The following TEX9 variants were observed in gnomAD, a reference collection of about 807,000 sequenced individuals.
TEX9 encodes testis-expressed protein 9.
TEX9 carries 74 observed loss-of-function variants against 59.6 expected under a neutral mutation model. That is an observed-to-expected ratio of 1.24 (90% CI 1.03 to 1.51). The LOEUF (loss-of-function observed/expected upper bound fraction) is 1.51. Ranked by LOEUF, TEX9 falls within the 40% of genes most tolerant of loss-of-function variation. TEX9 has a pLI of 0.00. For missense variants in TEX9, 522 were observed against 447.8 expected, an observed-to-expected ratio of 1.17 and a Z score of -1.49; for synonymous variants, 186 against 152.2, an observed-to-expected ratio of 1.22 and a Z score of -1.64.
Position 56,296,008 on chromosome 15 carries a change from A to C in TEX9, c.-107+51730A>C, listed in dbSNP as rs1476763399. On this transcript the variant is annotated intron_variant, in intron 1 of 5. Coordinates refer to the TEX9 transcript ENST00000560827. ...TACCTCTGCCCACTGGAATGAGCCA[A>C]ATTTCAATGCGGTCTGAACTGGCGG... Among the ~76,000 whole-genome samples, 2 of 152,170 alleles carry C rather than the reference A, an allele frequency of 1.3e-5. 1 individual carries two copies. The highest frequency in any genetic ancestry group is 1.3e-4 in the Admixed American group (2 of 15,280).
At chr15:56,428,707 T>G (rs2050448907) in intron 12 of TEX9, 1 of 379,348 alleles carries the variant, frequency 2.6e-6, no homozygotes, top group Non-Finnish European at 4.7e-6. Flanking sequence ...TCCCTTACAG[T>G]AGACCAAAAA....
chr15:56,413,070 C>G (rs1219217070), intron 10 of TEX9, among the ~76,000 whole-genome samples: 1 of 151,794 alleles, frequency 6.6e-6, no homozygotes, highest in Non-Finnish European at 1.5e-5. Context: ...GTTCAAATAC[C>G]AATGTTCATG....
At chr15:56,372,332 C>G (rs1245962550) in intron 2 of TEX9, among the ~76,000 whole-genome samples, 1 of 150,486 alleles carries the variant, frequency 6.6e-6, no homozygotes, top group African/African-American at 2.4e-5. Context: ...TTTTTTTTCC[C>G]TGGGGGTGGA....
chr15:56,455,332 G>C, the TEX9 span, among the ~76,000 whole-genome samples: 1 of 148,146 alleles, frequency 6.8e-6, no homozygotes, highest in Non-Finnish European at 1.5e-5. Context: ...TTTGAGACTA[G>C]AACAATAAGC....
intron 9 of TEX9, among the ~76,000 whole-genome samples, chr15:56,407,723 C>A (rs575565356): frequency 2.6e-5 from 4 of 152,250 alleles, no homozygotes; most frequent in Admixed American, 6.5e-5. Context: ...AACAGTTGGT[C>A]TTTTTTCCTC....
At chr15:56,322,339 A>G (rs2045920915) in intron 1 of TEX9, among the ~76,000 whole-genome samples, 1 of 152,152 alleles carries the variant, frequency 6.6e-6, no homozygotes, top group African/African-American at 2.4e-5. Context: ...TCACCTTTGC[A>G]TTTTTAAAGG....
chr15:56,352,294 G>T (rs2046598691), intron 1 of TEX9, among the ~76,000 whole-genome samples: 1 of 152,102 alleles, frequency 6.6e-6, no homozygotes, highest in African/African-American at 2.4e-5. Flanking sequence ...GTCTGGGCTG[G>T]AGTGCAATGG....
intron 1 of TEX9, among the ~76,000 whole-genome samples, chr15:56,309,874 A>C (rs1266820527): frequency 6.6e-6 from 1 of 151,860 alleles, no homozygotes; most frequent in Non-Finnish European, 1.5e-5. Context: ...AGAGTCAGGG[A>C]AGTGAAAAAT....
chr15:56,398,738 T>A (rs536434992), intron 9 of TEX9, among the ~76,000 whole-genome samples: 1 of 152,346 alleles, frequency 6.6e-6, no homozygotes, highest in East Asian at 1.9e-4. Context: ...AAGGGTGACA[T>A]TGATTATACT....
chr15:56,384,116 G>A (rs1238220833), intron 4 of TEX9, 85 bp downstream of exon 4: 20 of 1,059,422 alleles, frequency 1.9e-5, no homozygotes, highest in Non-Finnish European at 2.7e-5. Flanking sequence ...TGCAAACATT[G>A]AAAAATCTAT....
the TEX9 span, among the ~76,000 whole-genome samples, chr15:56,459,034 G>C: frequency 6.6e-6 from 1 of 152,076 alleles, no homozygotes; most frequent in South Asian, 2.1e-4. Context: ...ATTTGTGTGT[G>C]GCATAAAATG....
chr15:56,284,988 G>C (rs1487167852), intron 1 of TEX9, among the ~76,000 whole-genome samples: 11 of 151,994 alleles, frequency 7.2e-5, no homozygotes, highest in African/African-American at 2.7e-4. Flanking sequence ...TCACTTATGT[G>C]TTATTGAATA....
At chr15:56,360,226 G>T (rs1300384857) in intron 1 of TEX9, among the ~76,000 whole-genome samples, 1 of 152,152 alleles carries the variant, frequency 6.6e-6, no homozygotes, top group Non-Finnish European at 1.5e-5. Context: ...TAGTATTAGG[G>T]TAATGCTAGA....
intron 1 of TEX9, among the ~76,000 whole-genome samples, chr15:56,287,328 G>A (rs1327525489): frequency 6.6e-6 from 1 of 151,914 alleles, no homozygotes; most frequent in Admixed American, 6.6e-5. Flanking sequence ...CTGGTTTCAG[G>A]GATGCTGGCA....
At chr15:56,249,358 A>C (rs1226706520) in intron 1 of TEX9, among the ~76,000 whole-genome samples, 7 of 149,506 alleles carry the variant, frequency 4.7e-5, no homozygotes, top group Admixed American at 4.7e-4. Context: ...TATTTCTGGA[A>C]TTGGACCCAG....
intron 9 of TEX9, among the ~76,000 whole-genome samples, chr15:56,407,831 T>A (rs2049152034): frequency 1.3e-5 from 2 of 152,164 alleles, no homozygotes; most frequent in African/African-American, 4.8e-5. Flanking sequence ...TTTATCATCC[T>A]TTCACTAAAT....
At chr15:56,352,356 T>A (rs990002237) in intron 1 of TEX9, among the ~76,000 whole-genome samples, 1 of 152,052 alleles carries the variant, frequency 6.6e-6, no homozygotes, top group Non-Finnish European at 1.5e-5. Flanking sequence ...GCAATTCTCC[T>A]GCCTCAGCCT....
chr15:56,273,597 T>G (rs2044600582), intron 1 of TEX9, among the ~76,000 whole-genome samples: 1 of 152,240 alleles, frequency 6.6e-6, no homozygotes, highest in African/African-American at 2.4e-5. Flanking sequence ...TAGATTTAAA[T>G]TTCTGTCTAG....
chr15:56,411,327 G>T (rs983938681), intron 9 of TEX9, among the ~76,000 whole-genome samples: 1 of 152,154 alleles, frequency 6.6e-6, no homozygotes, highest in Admixed American at 6.5e-5. Context: ...TATAGTGGGG[G>T]AAATAAAGTT....
Sources: allele counts gnomAD v4.1 joint callset (sites outside exome capture counted in the v4.1 genomes callset), GRCh38; gene constraint gnomAD v4.1.1; transcripts MANE v1.5; gene names NCBI Gene and HGNC (gene_info 2026-07-23, HGNC 2026-07-21).